The following NHSL1 variants were observed in gnomAD, a reference collection of about 807,000 sequenced individuals.
NHSL1 encodes the protein NHS like 1.
NHSL1 carries 48 observed loss-of-function variants against 95.0 expected under a neutral mutation model. The ratio of observed to expected loss-of-function variants is 0.51; its 90% CI spans 0.40 to 0.64. The LOEUF (loss-of-function observed/expected upper bound fraction) is 0.64. Among genes scored for constraint, NHSL1 ranks in the 30% least tolerant of loss-of-function variants. The pLI is 0.00. For missense variants in NHSL1, 1,971 were observed against 2,077.7 expected (o/e 0.95, Z 1.00); for synonymous variants, 783 against 833.9 (o/e 0.94, Z 1.05).
chr6:138,545,604 G>A (rs948103302), intron 1 of NHSL1: 11 of 1,286,112 alleles, frequency 8.6e-6, no homozygotes, highest in Middle Eastern at 2.1e-4. Context: ...CCACCCAAAT[G>A]GACACGAAGT....
Position 138,432,088 on chromosome 6 carries a change from T to G in NHSL1, c.2257A>C (p.Thr753Pro), listed in dbSNP as rs1372237434. Residue 753 changes from threonine to proline, a missense_variant, in exon 6 of 8, where the codon ACC becomes CCC. Transcript: ENST00000343505. This position sits in a 1 kb window ranked among gnomAD's most constrained non-coding sequence, Gnocchi z 4.4. ...CCGCACAGGGAGTAGACATTGGGGG[T>G]GGTGGCGGAAGTCATGCTGCTGCCA... ...SAGSSMTSATTPNVYSLCGAT... is the reference protein window; with the variant it reads ...SAGSSMTSATPPNVYSLCGAT... The G allele has an allele frequency of 1.9e-5, 29 of 1,551,322 alleles. No individual in the cohort carries two copies. The highest frequency in any genetic ancestry group is 2.5e-5 in the Non-Finnish European group (29 of 1,146,914).
At chr6:138,444,347 T>C (rs1161695861) in intron 4 of NHSL1, among the ~76,000 whole-genome samples, 1 of 152,158 alleles carries the variant, frequency 6.6e-6, no homozygotes, top group East Asian at 1.9e-4. Context: ...TATTTAAGTA[T>C]GTTTATCCTC....
chr6:138,498,691 C>T (rs926862429), intron 1 of NHSL1, among the ~76,000 whole-genome samples: 6 of 152,146 alleles, frequency 3.9e-5, no homozygotes, highest in African/African-American at 1.2e-4. Flanking sequence ...AAGTTCTGTA[C>T]CTTACAACAA....
intron 1 of NHSL1, among the ~76,000 whole-genome samples, chr6:138,625,166 C>T (rs1012987233): frequency 6.6e-6 from 1 of 151,926 alleles, no homozygotes; most frequent in Non-Finnish European, 1.5e-5. Context: ...TTTTTTGAGA[C>T]AGGGTCTTGC....
chr6:138,628,720 C>G (rs1173872070), intron 1 of NHSL1, among the ~76,000 whole-genome samples: 1 of 152,174 alleles, frequency 6.6e-6, no homozygotes, highest in African/African-American at 2.4e-5. Flanking sequence ...TGCACTGCAA[C>G]CTGGGTGACA....
At chr6:138,574,072 C>T (rs140239954), upstream of NHSL1, among the ~76,000 whole-genome samples, 5,262 of 152,152 alleles carry the variant, frequency 0.035, 103 homozygotes, top group South Asian at 0.055. Flanking sequence ...GGACCACAGG[C>T]GCCTGCCACC....
intron 1 of NHSL1, among the ~76,000 whole-genome samples, chr6:138,568,335 C>G (rs1783697162): frequency 6.6e-6 from 1 of 152,188 alleles, no homozygotes; most frequent in South Asian, 2.1e-4. Context: ...TGAGTGCTAT[C>G]TTTCTTTGTA....
chr6:138,480,118 G>T (rs1279449932), intron 2 of NHSL1, among the ~76,000 whole-genome samples: 1 of 152,200 alleles, frequency 6.6e-6, no homozygotes, highest in East Asian at 1.9e-4. Context: ...GAAAGGCAAA[G>T]AACTGACGGA....
chr6:138,639,981 A>C (rs2114681497), intron 1 of NHSL1, among the ~76,000 whole-genome samples: 1 of 150,762 alleles, frequency 6.6e-6, no homozygotes, highest in South Asian at 2.1e-4. Flanking sequence ...CAAAATTCTC[A>C]TCATCGTATT....
intron 1 of NHSL1, among the ~76,000 whole-genome samples, chr6:138,633,991 T>G (rs1276471106): frequency 6.6e-6 from 1 of 152,156 alleles, no homozygotes; most frequent in Non-Finnish European, 1.5e-5. Context: ...ATGCAAAGTG[T>G]TAAGTTATCT....
chr6:138,510,742 T>C (rs1421218648), intron 1 of NHSL1, among the ~76,000 whole-genome samples: 1 of 152,246 alleles, frequency 6.6e-6, no homozygotes, highest in African/African-American at 2.4e-5. Flanking sequence ...CGTTCACTGA[T>C]TTTTCTTTCA....
intron 5 of NHSL1, among the ~76,000 whole-genome samples, chr6:138,439,221 C>T (rs1352637253): frequency 3.3e-5 from 5 of 152,120 alleles, no homozygotes; most frequent in East Asian, 1.9e-4. Context: ...AATCCAAAGC[C>T]GCTGGCAACT....
intron 3 of NHSL1, among the ~76,000 whole-genome samples, chr6:138,454,003 GAAT>G: frequency 6.6e-6 from 1 of 152,072 alleles, no homozygotes; most frequent in Middle Eastern, 3.4e-3. Context: ...TCATATTTTA[GAAT>G]AACAAATTAT....
chr6:138,670,573 G>A (rs1785352653), intron 1 of NHSL1, among the ~76,000 whole-genome samples: 1 of 148,136 alleles, frequency 6.8e-6, no homozygotes, highest in African/African-American at 2.5e-5. Flanking sequence ...GGCTGAGGCA[G>A]GAGAATGGCG....
At chr6:138,684,405 T>C (rs762813150) in intron 1 of NHSL1, among the ~76,000 whole-genome samples, 2 of 151,868 alleles carry the variant, frequency 1.3e-5, no homozygotes, top group Admixed American at 6.6e-5. Flanking sequence ...CCCAGCACTT[T>C]GGGAGGCCAA....
At chr6:138,596,831 G>T (rs1439489255) in intron 1 of NHSL1, among the ~76,000 whole-genome samples, 2 of 152,040 alleles carry the variant, frequency 1.3e-5, no homozygotes, top group South Asian at 4.2e-4. Context: ...TAGAGGCAGC[G>T]GCAGCAGCAA....
At chr6:138,599,862 C>T (rs556567475) in intron 1 of NHSL1, among the ~76,000 whole-genome samples, 10 of 152,250 alleles carry the variant, frequency 6.6e-5, no homozygotes, top group African/African-American at 2.4e-4. Flanking sequence ...GCAGGCCGGG[C>T]ATGGTGGCTC....
At chr6:138,469,995 G>A (rs1251585861) in intron 3 of NHSL1, among the ~76,000 whole-genome samples, 1 of 152,054 alleles carries the variant, frequency 6.6e-6, no homozygotes, top group African/African-American at 2.4e-5. Flanking sequence ...GAAGAAGGCA[G>A]TTAGCTATTA....
intron 1 of NHSL1, among the ~76,000 whole-genome samples, chr6:138,671,450 CA>C (rs549060407): frequency 0.079 from 8,332 of 105,538 alleles, 245 homozygotes; most frequent in South Asian, 0.13. Flanking sequence ...AATCTGTCTC[CA>C]AAAAAAAAAA....
Sources: gnomAD v4.1 joint callset for allele counts (sites outside exome capture counted in the v4.1 genomes callset) on GRCh38, gnomAD v4.1.1 for gene constraint, Gnocchi (gnomAD v3.1) non-coding constraint, MANE v1.5 for transcripts, NCBI Gene and HGNC (gene_info 2026-07-23, HGNC 2026-07-21) for gene names.